PDE1A: variants seen among roughly 807,000 people sequenced by gnomAD.
The protein encoded by PDE1A is dual specificity calcium/calmodulin-dependent 3',5'-cyclic nucleotide phosphodiesterase 1A.
Under a neutral mutation model 61.7 loss-of-function variants are expected in PDE1A, and 35 were observed. The observed-to-expected ratio is 0.57, with a 90% CI of 0.43 to 0.75. The LOEUF (loss-of-function observed/expected upper bound fraction) is 0.75. Among genes scored for constraint, PDE1A ranks in the 30% least tolerant of loss-of-function variants. PDE1A has a pLI of 0.00. For missense variants in PDE1A, 597 were observed against 630.6 expected (o/e 0.95, Z 0.57); for synonymous variants, 232 against 213.2 (o/e 1.09, Z -0.77).
intron 6 of PDE1A, among the ~76,000 whole-genome samples, chr2:182,227,653 G>T (rs1329332416): frequency 6.6e-6 from 1 of 152,022 alleles, no homozygotes; most frequent in East Asian, 1.9e-4. Context: ...CTATAAGGTG[G>T]CTGGTATTAT....
intron 8 of PDE1A, among the ~76,000 whole-genome samples, chr2:182,204,279 C>G (rs896667068): frequency 6.6e-6 from 1 of 152,212 alleles, no homozygotes; most frequent in African/African-American, 2.4e-5. Flanking sequence ...CTTTGCCCAT[C>G]TAATCGCTAC....
chr2:182,172,057 G>C (rs1394856957), intron 13 of PDE1A, among the ~76,000 whole-genome samples: 1 of 152,050 alleles, frequency 6.6e-6, no homozygotes, highest in African/African-American at 2.4e-5. Flanking sequence ...CATAAAACAT[G>C]AGGAGAAACT....
chr2:182,674,149 G>C, the PDE1A span, among the ~76,000 whole-genome samples: 2 of 151,862 alleles, frequency 1.3e-5, no homozygotes, highest in Non-Finnish European at 1.5e-5. Flanking sequence ...AAGTGGTATA[G>C]CCAGGAACTG....
At chr2:182,551,025 G>C in the PDE1A span, among the ~76,000 whole-genome samples, 1 of 148,456 alleles carries the variant, frequency 6.7e-6, no homozygotes, top group Non-Finnish European at 1.5e-5. Flanking sequence ...AGAATAACTG[G>C]CCAATGTTTC....
chr2:182,276,568 T>C (rs376898357), intron 1 of PDE1A, among the ~76,000 whole-genome samples: 47 of 152,178 alleles, frequency 3.1e-4, no homozygotes, highest in African/African-American at 1.0e-3. Flanking sequence ...ATTGTACAAA[T>C]TGATTGTAAA....
chr2:182,656,409 T>C, the PDE1A span, among the ~76,000 whole-genome samples: 5 of 152,238 alleles, frequency 3.3e-5, no homozygotes, highest in African/African-American at 1.2e-4. Context: ...ATGCACATTC[T>C]ATGATAATTT....
intron 11 of PDE1A, 126 bp downstream of exon 11, chr2:182,188,853 A>G: frequency 1.6e-6 from 1 of 642,266 alleles, no homozygotes; most frequent in Admixed American, 2.6e-5. Flanking sequence ...CCATTTAAAA[A>G]TCAAATATAT....
At chr2:182,433,821 G>C (rs1387912688) in intron 2 of PDE1A, among the ~76,000 whole-genome samples, 1 of 151,942 alleles carries the variant, frequency 6.6e-6, no homozygotes, top group Non-Finnish European at 1.5e-5. Context: ...ACCTGTGCTG[G>C]CATTTTGTGC....
At chr2:182,602,845 T>C in the PDE1A span, among the ~76,000 whole-genome samples, 1 of 152,210 alleles carries the variant, frequency 6.6e-6, no homozygotes, top group Non-Finnish European at 1.5e-5. Flanking sequence ...TAAGTGGCTT[T>C]CATGAAACTG....
In PDE1A at chr2:182,426,813, T is replaced by C. The variant is rs1359947102; in HGVS notation, c.-183A>G. Reference sequence around the variant, plus strand: ...CTCTGCCAGCTGAGCAGTGTGTCCATAGAGGCCACATAAGACAGGCACGTT... The same window carrying C: ...CTCTGCCAGCTGAGCAGTGTGTCCACAGAGGCCACATAAGACAGGCACGTT... On this transcript the variant is annotated 5_prime_UTR_variant, in exon 1 of 14. An upstream start codon of the reference 5' UTR is lost. Transcript: ENST00000351439. 15 of 1,421,970 alleles carry C rather than the reference T, an allele frequency of 1.1e-5. No individual in the cohort carries two copies. Among genetic ancestry groups the C allele is most frequent in the African/African-American group, 1.4e-5 (1 of 69,258 alleles). The allele number at this position is 1,421,970 out of a possible 1,614,324, so 88.1% of individuals were successfully genotyped here.
chr2:182,433,350 T>C (rs1704049436), intron 2 of PDE1A, among the ~76,000 whole-genome samples: 1 of 152,128 alleles, frequency 6.6e-6, no homozygotes, highest in South Asian at 2.1e-4. Flanking sequence ...CTTTGACCAT[T>C]TGCACAAAAC....
intron 13 of PDE1A, among the ~76,000 whole-genome samples, chr2:182,175,197 A>C (rs1002786425): frequency 1.3e-5 from 2 of 152,188 alleles, no homozygotes; most frequent in Non-Finnish European, 2.9e-5. Flanking sequence ...CAGTGCTGCA[A>C]TAAACATACG....
chr2:182,245,482 A>G (rs1009479096), intron 2 of PDE1A, among the ~76,000 whole-genome samples: 2 of 152,166 alleles, frequency 1.3e-5, no homozygotes, highest in African/African-American at 2.4e-5. Context: ...CCTAAAAAAA[A>G]TCCCTATACT....
chr2:182,236,567 T>C (rs749272559), intron 3 of PDE1A, among the ~76,000 whole-genome samples: 1 of 152,236 alleles, frequency 6.6e-6, no homozygotes. Context: ...AATCACATGT[T>C]AGCCACTCAC....
At chr2:182,313,409 G>A (rs1035040510) in intron 1 of PDE1A, among the ~76,000 whole-genome samples, 2 of 151,580 alleles carry the variant, frequency 1.3e-5, no homozygotes, top group African/African-American at 2.4e-5. Context: ...GAAAGACTCC[G>A]TCTCAAAAAA....
At chr2:182,614,552 T>G in the PDE1A span, among the ~76,000 whole-genome samples, 1 of 140,132 alleles carries the variant, frequency 7.1e-6, no homozygotes, top group African/African-American at 2.5e-5. Flanking sequence ...AACTAGCATA[T>G]CTTTTTTTTT....
intron 1 of PDE1A, among the ~76,000 whole-genome samples, chr2:182,388,876 G>A (rs752829946): frequency 6.6e-6 from 1 of 151,876 alleles, no homozygotes; most frequent in Non-Finnish European, 1.5e-5. Flanking sequence ...TTCCTGAAAT[G>A]ATGATTAATA....
chr2:182,564,190 T>C, the PDE1A span, among the ~76,000 whole-genome samples: 1 of 152,234 alleles, frequency 6.6e-6, no homozygotes, highest in Admixed American at 6.5e-5. Context: ...CAGTGGCTGG[T>C]ACTGGTTGTT....
chr2:182,493,502 A>G (rs1269305042), intron 2 of PDE1A, among the ~76,000 whole-genome samples: 1 of 152,064 alleles, frequency 6.6e-6, no homozygotes, highest in Non-Finnish European at 1.5e-5. Flanking sequence ...TCATTGTTCA[A>G]TTCCCACCTA....
Sources: gnomAD v4.1 joint callset for allele counts (sites outside exome capture counted in the v4.1 genomes callset) on GRCh38, gnomAD v4.1.1 for gene constraint, MANE v1.5 for transcripts, NCBI Gene and HGNC (gene_info 2026-07-23, HGNC 2026-07-21) for gene names.